The following LUC7L variants were observed in gnomAD, a reference collection of about 807,000 sequenced individuals.
LUC7L encodes LUC7 like, also known as putative RNA-binding protein Luc7-like 1.
A neutral mutation model predicts 51.1 loss-of-function variants in LUC7L; 29 were observed. The ratio of observed to expected loss-of-function variants is 0.57; its 90% CI spans 0.42 to 0.77. LUC7L has a LOEUF of 0.77. LUC7L is among the 30% of genes least tolerant of loss of function. The pLI, the probability that LUC7L is intolerant of heterozygous loss-of-function variation, is 0.00. For synonymous variants in LUC7L, 181 were observed against 180.7 expected (o/e 1.00, Z -0.01); for missense variants, 403 against 511.9 (o/e 0.79, Z 2.05).
At chr16:223,830 C>T (rs1463825077) in intron 2 of LUC7L, among the ~76,000 whole-genome samples, 1 of 151,888 alleles carries the variant, frequency 6.6e-6, no homozygotes, top group Non-Finnish European at 1.5e-5. Context: ...CCACCACGCC[C>T]GGCTAATATT....
intron 3 of LUC7L, chr16:208,905 C>CA (rs1336604889): frequency 6.6e-6 from 1 of 152,222 alleles, no homozygotes; most frequent in African/African-American, 2.4e-5. Context: ...CAGATAAAAA[C>CA]AGAGACAGGA....
At position 212,467 on chromosome 16, in the gene LUC7L, C is replaced by A. The variant is rs1397882714; in HGVS notation, c.256-4279G>T. 2.0e-5 allele frequency among the ~76,000 whole-genome samples: 3 copies of A among 152,114 alleles called. No individual in the cohort carries two copies. The East Asian group carries it at 5.8e-4, about 29-fold the overall frequency. On this transcript the variant is annotated intron_variant, in intron 3 of 9. Transcript: ENST00000293872. ...AAATCTGAGGCAGCCATCGTCAGCC[C>A]AGTTTATAGATGAAAAAAAGAAGGT...
At chr16:220,599 A>G (rs922253059) in intron 3 of LUC7L, 50 bp downstream of exon 3, 1 of 1,346,174 alleles carries the variant, frequency 7.4e-7, no homozygotes. Context: ...TTGTTAGTTC[A>G]ATATTGGGTT....
intron 1 of LUC7L, chr16:229,068 C>A: frequency 1.4e-6 from 2 of 1,417,398 alleles, no homozygotes; most frequent in Non-Finnish European, 1.8e-6. Context: ...GGCGCAGACT[C>A]CGAGAGAGGA....
rs1596635288 is a variant in LUC7L, at chr16:206,215, T to G, written c.367-68A>C. 2.0e-5 allele frequency: 30 copies of G among 1,466,302 alleles called. No individual in the cohort carries two copies. In the East Asian group the frequency reaches 6.8e-4, roughly 33 times the overall value. 90.8% of individuals were successfully genotyped at this position (1,466,302 alleles called of 1,614,324 possible). A position where few individuals can be genotyped will look rare whatever the true frequency, so the allele number is the denominator to read the frequency against. On this transcript the variant is annotated intron_variant, in intron 4 of 9. Coordinates refer to ENST00000293872, the MANE Select transcript of LUC7L (RefSeq NM_201412.3). ...AAGTGAATGCAAAGGCAACAAGGGTTTCTCCTGCTCCATTTCCAGTCTGAA... is the reference window on the plus strand; with the variant it reads ...AAGTGAATGCAAAGGCAACAAGGGTGTCTCCTGCTCCATTTCCAGTCTGAA...
intron 6 of LUC7L, among the ~76,000 whole-genome samples, chr16:196,244 C>T (rs746870212): frequency 5.9e-5 from 9 of 151,982 alleles, no homozygotes; most frequent in Admixed American, 1.3e-4. Flanking sequence ...CCCATCTCTA[C>T]TAAAAACACA....
intron 4 of LUC7L, among the ~76,000 whole-genome samples, chr16:206,411 C>A (rs1461230131): frequency 6.6e-6 from 1 of 152,188 alleles, no homozygotes; most frequent in Non-Finnish European, 1.5e-5. Flanking sequence ...TAGGCTGTCT[C>A]TCTTTATGAC....
At chr16:224,500 C>A (rs1254884055) in intron 2 of LUC7L, among the ~76,000 whole-genome samples, 1 of 140,136 alleles carries the variant, frequency 7.1e-6, no homozygotes, top group Non-Finnish European at 1.5e-5. Flanking sequence ...GCCTGGGCAA[C>A]AAGAGCGAAA....
At chr16:193,994 A>G (rs970113527) in intron 6 of LUC7L, among the ~76,000 whole-genome samples, 16 of 150,300 alleles carry the variant, frequency 1.1e-4, no homozygotes, top group African/African-American at 3.9e-4. Flanking sequence ...TAGTAGAGAC[A>G]GAGTTTCACC....
chr16:212,062 G>A (rs1406585338), intron 3 of LUC7L, among the ~76,000 whole-genome samples: 1 of 152,186 alleles, frequency 6.6e-6, no homozygotes, highest in Non-Finnish European at 1.5e-5. Flanking sequence ...GGGAGGCTGA[G>A]GTGGGTGGAT....
At chr16:195,346 G>C (rs753986002) in intron 6 of LUC7L, among the ~76,000 whole-genome samples, 4 of 151,972 alleles carry the variant, frequency 2.6e-5, no homozygotes, top group Non-Finnish European at 5.9e-5. Context: ...CTTGAGTCCA[G>C]GAGTTCCAGG....
chr16:227,756 G>C, intron 1 of LUC7L: 1 of 1,006,120 alleles, frequency 9.9e-7, no homozygotes, highest in Non-Finnish European at 1.2e-6. Flanking sequence ...TTTTTGTTAT[G>C]AACAAATGCA....
intron 5 of LUC7L, among the ~76,000 whole-genome samples, chr16:204,027 A>G (rs2049408825): frequency 6.6e-6 from 1 of 152,112 alleles, no homozygotes; most frequent in Non-Finnish European, 1.5e-5. Context: ...AAAAAACACA[A>G]AAACAAAAAC....
At position 189,759 on chromosome 16, in the gene LUC7L, G is replaced by A. The variant is rs550508618; in HGVS notation, c.974+209C>T. ...CCCCAGGACGCAGGCAGGGGACAGT[G>A]CCTGTGCAGCCCATCACCTGGCGCC... is the stretch of plus-strand genomic sequence containing the variant. On this transcript the variant is annotated intron_variant, in intron 9 of 9. Transcript: ENST00000293872. 2 of 1,404,872 alleles carry A rather than the reference G, an allele frequency of 1.4e-6. 1 individual carries two copies. The highest frequency in any genetic ancestry group is 3.4e-5 in the South Asian group (2 of 59,442). 87.0% of individuals were successfully genotyped at this position (1,404,872 alleles called of 1,614,324 possible).
intron 6 of LUC7L, among the ~76,000 whole-genome samples, chr16:196,769 C>A (rs559383515): frequency 6.6e-6 from 1 of 152,070 alleles, no homozygotes; most frequent in Admixed American, 6.6e-5. Flanking sequence ...TTAAGTGATC[C>A]GCCCTCCTCA....
rs565417428 is a variant in LUC7L, at chr16:221,921, G to A, written c.157-1174C>T. On this transcript the variant is annotated intron_variant, in intron 2 of 9. Coordinates refer to ENST00000293872, the MANE Select transcript of LUC7L (RefSeq NM_201412.3). ...ATTGTGTATCAAAGGGAATAAAGGA[G>A]AACAGGCTGGTTCGTAGCCAAATAC... is the stretch of plus-strand genomic sequence containing the variant. Among the ~76,000 whole-genome samples the A allele has an allele frequency of 4.7e-4, 71 of 152,280 alleles. No individual in the cohort carries two copies. In the Middle Eastern group the frequency reaches 0.01, roughly 22 times the overall value.
intron 6 of LUC7L, among the ~76,000 whole-genome samples, chr16:196,406 T>TCAAA (rs551017983): frequency 0.025 from 3,725 of 149,956 alleles, 168 homozygotes; most frequent in African/African-American, 0.087. Flanking sequence ...AGACCCTGCC[T>TCAAA]CAAACAAACA....
In LUC7L at chr16:229,399, G is replaced by C; in HGVS notation, c.-60C>G. ...GACTTCTCTCAGGCAGGCGGTGGCA[G>C]CGGCGTCGACAAACGATGGTCGCGT... On this transcript the variant is annotated 5_prime_UTR_variant, in exon 1 of 10. Transcript: ENST00000293872. 7.1e-7 allele frequency: 1 copy of C among 1,400,644 alleles called. No individual in the cohort carries two copies. The highest frequency in any genetic ancestry group is 1.4e-5 in the South Asian group (1 of 70,948). 86.8% of individuals were successfully genotyped at this position (1,400,644 alleles called of 1,614,324 possible).
chr16:208,385 T>C (rs955036569), intron 3 of LUC7L, 197 bp from the exon 4 acceptor site: 107 of 498,934 alleles, frequency 2.1e-4, no homozygotes, highest in Middle Eastern at 7.3e-4. Flanking sequence ...AACAGAATGA[T>C]TGTTTGGAAG....
Sources: gnomAD v4.1 joint callset for allele counts (sites outside exome capture counted in the v4.1 genomes callset) on GRCh38, gnomAD v4.1.1 for gene constraint, MANE v1.5 for transcripts, NCBI Gene and HGNC (gene_info 2026-07-23, HGNC 2026-07-21) for gene names.